The following PKNOX1 variants were observed in gnomAD, a reference collection of about 807,000 sequenced individuals.
PKNOX1 encodes homeobox protein PKNOX1.
In PKNOX1, 15 loss-of-function variants were observed where a neutral mutation model predicts 51.9. The observed-to-expected ratio is 0.29, with a 90% confidence interval of 0.19 to 0.45. PKNOX1 has a LOEUF of 0.45. Ranked by LOEUF, PKNOX1 falls within the 20% of genes least tolerant of loss-of-function variation. The probability of loss-of-function intolerance (pLI) is 1.00; values close to 1 mark genes in which losing one functional copy is unlikely to be tolerated. For synonymous variants in PKNOX1, 219 were observed against 211.1 expected (o/e 1.04, Z -0.32); for missense variants, 462 against 547.5 (o/e 0.84, Z 1.56).
At chr21:43,011,822 T>C (rs1979268310) in intron 4 of PKNOX1, among the ~76,000 whole-genome samples, 1 of 152,256 alleles carries the variant, frequency 6.6e-6, no homozygotes, top group Non-Finnish European at 1.5e-5. Flanking sequence ...GTGAGTTATC[T>C]GACTTGAATC....
chr21:43,028,780 A>C lies in PKNOX1; in HGVS notation c.1005A>C (p.Lys335Asn), dbSNP rs759473431. The change falls in exon 10 of 11, where the codon AAA becomes AAC. Residue 335 changes from lysine to asparagine, a missense_variant. Lys to Asn is a moderately conservative substitution (Grantham distance 94, BLOSUM62 0). Coordinates refer to ENST00000291547, the MANE Select transcript of PKNOX1 (RefSeq NM_004571.5). Reference sequence around the variant, plus strand: ...CAGAGACCCCCAAAACAAAGAAAAAAACTGCTCAGAACCGGCCAGTTCAGA... The same window carrying C: ...CAGAGACCCCCAAAACAAAGAAAAACACTGCTCAGAACCGGCCAGTTCAGA... ...SCSETPKTKK[K>N]TAQNRPVQRF... 1 of 1,614,172 alleles carries C rather than the reference A, an allele frequency of 6.2e-7. No individual in the cohort carries two copies. The highest frequency in any genetic ancestry group is 1.3e-5 in the African/African-American group (1 of 75,056).
At position 42,987,382 on chromosome 21, in the gene PKNOX1, C is replaced by CA. The variant is rs1181890321; in HGVS notation, c.-57+12741dup. Among the ~76,000 whole-genome samples, 73 of 47,890 alleles carry CA rather than the reference C, an allele frequency of 1.5e-3. 1 individual carries two copies. Among genetic ancestry groups the CA allele is most frequent in the African/African-American group, 4.2e-3 (41 of 9,732 alleles). 31.4% of individuals were successfully genotyped at this position (47,890 alleles called of 152,430 possible). ...GGGCAACAAGAGCTAAACTCCCTCTCAAAAAAAAAAAAAAAAAAAAAAATA... is the reference window on the plus strand; with the variant it reads ...GGGCAACAAGAGCTAAACTCCCTCTCAAAAAAAAAAAAAAAAAAAAAAAATA... On this transcript the variant is annotated intron_variant, in intron 1 of 10. Coordinates refer to ENST00000291547, the MANE Select transcript of PKNOX1 (RefSeq NM_004571.5).
At chr21:43,023,143 C>G (rs981791006) in intron 8 of PKNOX1, among the ~76,000 whole-genome samples, 3 of 151,964 alleles carry the variant, frequency 2.0e-5, no homozygotes, top group Non-Finnish European at 2.9e-5. Flanking sequence ...GGCAGCATCT[C>G]TGGCTGTTTG....
At chr21:43,005,243 C>T (rs952199194) in intron 2 of PKNOX1, among the ~76,000 whole-genome samples, 11 of 152,162 alleles carry the variant, frequency 7.2e-5, no homozygotes, top group Admixed American at 3.3e-4. Context: ...GCTCTCCTCC[C>T]CACCTCGAGG....
intron 2 of PKNOX1, among the ~76,000 whole-genome samples, chr21:43,004,939 A>C (rs1167768634): frequency 6.6e-6 from 1 of 152,078 alleles, no homozygotes; most frequent in East Asian, 1.9e-4. Flanking sequence ...GCAGCTCTCC[A>C]TTGCCCTCCC....
At chr21:43,017,552 G>A (rs1979547174) in intron 6 of PKNOX1, 1 of 140,674 alleles carries the variant, frequency 7.1e-6, no homozygotes, top group Non-Finnish European at 1.6e-5. Flanking sequence ...GGAAACCTCA[G>A]TGGGAAAAAA....
At chr21:43,025,746 A>G (rs1979959614) in intron 9 of PKNOX1, among the ~76,000 whole-genome samples, 1 of 152,240 alleles carries the variant, frequency 6.6e-6, no homozygotes, top group Non-Finnish European at 1.5e-5. Flanking sequence ...AGAAGAAAGC[A>G]CAAATTCTTC....
chr21:42,989,230 C>T (rs1055349204), intron 1 of PKNOX1, among the ~76,000 whole-genome samples: 5 of 152,010 alleles, frequency 3.3e-5, no homozygotes, highest in African/African-American at 7.2e-5. Context: ...ATTCCCGCCT[C>T]GGGCTTCCAA....
intron 3 of PKNOX1, among the ~76,000 whole-genome samples, chr21:43,009,538 AG>A (rs1979149482): frequency 7.6e-6 from 1 of 131,770 alleles, no homozygotes; most frequent in Non-Finnish European, 1.6e-5. Flanking sequence ...TAAACCTGGG[AG>A]GGCAGAGGTT....
chr21:43,023,657 C>T (rs1197285863), intron 8 of PKNOX1, among the ~76,000 whole-genome samples: 1 of 151,846 alleles, frequency 6.6e-6, no homozygotes, highest in Non-Finnish European at 1.5e-5. Flanking sequence ...TCTGCACTCC[C>T]AGGCTGGAGT....
At position 43,021,295 on chromosome 21, in the gene PKNOX1, T is replaced by C. The variant is rs993406710; in HGVS notation, c.721-8T>C. The C allele has an allele frequency of 6.3e-7, 1 of 1,588,422 alleles. No individual in the cohort carries two copies. The highest frequency in any genetic ancestry group is 8.6e-7 in the Non-Finnish European group (1 of 1,164,082). On this transcript the variant is annotated splice_region_variant and splice_polypyrimidine_tract_variant and intron_variant, in intron 7 of 10. Coordinates refer to ENST00000291547, the MANE Select transcript of PKNOX1 (RefSeq NM_004571.5). The surrounding 1 kb of genome is among the most constrained non-coding windows in gnomAD (Gnocchi z 4.6). Reference sequence around the variant, plus strand: ...ATGCTTTCTAATGTTATTTTTCAACTTTAAAAGCTTCAGTTACAGTTAAAC... The same window carrying C: ...ATGCTTTCTAATGTTATTTTTCAACCTTAAAAGCTTCAGTTACAGTTAAAC...
chr21:42,994,018 C>T (rs866987389), intron 1 of PKNOX1, among the ~76,000 whole-genome samples: 12 of 143,514 alleles, frequency 8.4e-5, no homozygotes, highest in East Asian at 8.1e-4. Context: ...AGGTGTGAGC[C>T]GCCGCGCCCA....
chr21:42,981,067 G>A (rs979528593), intron 1 of PKNOX1, among the ~76,000 whole-genome samples: 13 of 152,248 alleles, frequency 8.5e-5, no homozygotes, highest in African/African-American at 3.1e-4. Context: ...GGAGGTGAGG[G>A]TGAAGGAAGT....
intron 9 of PKNOX1, among the ~76,000 whole-genome samples, chr21:43,026,324 C>A (rs1328734102): frequency 6.6e-6 from 1 of 152,162 alleles, no homozygotes. Context: ...TTTCTGAAAT[C>A]TTTAATATTT....
chr21:43,001,915 C>T (rs931846751), intron 1 of PKNOX1, among the ~76,000 whole-genome samples: 6 of 151,890 alleles, frequency 4.0e-5, no homozygotes, highest in African/African-American at 1.2e-4. Flanking sequence ...GAGCTGAGAT[C>T]GCGCCACTGC....
intron 7 of PKNOX1, among the ~76,000 whole-genome samples, chr21:43,020,934 C>A (rs1415967239): frequency 6.6e-6 from 1 of 152,148 alleles, no homozygotes; most frequent in Non-Finnish European, 1.5e-5. Context: ...AGGGCGAGAC[C>A]CTGCCTCTAC....
chr21:43,019,110 T>C (rs1299813485), intron 7 of PKNOX1, among the ~76,000 whole-genome samples: 1 of 140,994 alleles, frequency 7.1e-6, no homozygotes, highest in Non-Finnish European at 1.5e-5. Context: ...ACATTGATTC[T>C]GGCCGGGTGC....
At chr21:42,998,869 C>T (rs1394548275) in intron 1 of PKNOX1, among the ~76,000 whole-genome samples, 1 of 152,216 alleles carries the variant, frequency 6.6e-6, no homozygotes, top group Non-Finnish European at 1.5e-5. Context: ...TGCAGCTTTT[C>T]CAGGTGCATG....
chr21:43,024,760 T>G, intron 8 of PKNOX1, 111 bp from the exon 9 acceptor site: 1 of 697,960 alleles, frequency 1.4e-6, no homozygotes, highest in South Asian at 1.7e-5. Context: ...GAAGCACTGT[T>G]GACGTGACCA....
Sources: gnomAD v4.1 joint callset for allele counts (sites outside exome capture counted in the v4.1 genomes callset) on GRCh38, gnomAD v4.1.1 for gene constraint, Gnocchi (gnomAD v3.1) non-coding constraint, MANE v1.5 for transcripts, NCBI Gene and HGNC (gene_info 2026-07-23, HGNC 2026-07-21) for gene names.